Variants in CBX1 observed in about 807,000 individuals in gnomAD.
The protein encoded by CBX1 is chromobox protein homolog 1.
In CBX1, 10 loss-of-function variants were observed where a neutral mutation model predicts 25.1. That is an observed-to-expected ratio of 0.40 (90% CI 0.25 to 0.68). The LOEUF (loss-of-function observed/expected upper bound fraction) is 0.68. Among genes scored for constraint, CBX1 ranks in the 30% least tolerant of loss-of-function variants. CBX1 has a pLI of 0.40. For missense variants in CBX1, 106 were observed against 218.5 expected (o/e 0.49, Z 3.25); for synonymous variants, 63 against 79.4 (o/e 0.79, Z 1.10).
At chr17:48,092,033 C>T (rs562985721) in intron 1 of CBX1, among the ~76,000 whole-genome samples, 14 of 134,984 alleles carry the variant, frequency 1.0e-4, no homozygotes, top group African/African-American at 4.0e-4. Context: ...TCTTGTCACC[C>T]AGGCTGGAAT....
At chr17:48,082,083 T>A (rs984191500) in intron 1 of CBX1, among the ~76,000 whole-genome samples, 1 of 151,958 alleles carries the variant, frequency 6.6e-6, no homozygotes, top group African/African-American at 2.4e-5. Flanking sequence ...AGACCCCATC[T>A]CTACAAAAAA....
intron 1 of CBX1, among the ~76,000 whole-genome samples, chr17:48,084,047 T>C (rs2037762826): frequency 6.7e-6 from 1 of 149,956 alleles, no homozygotes; most frequent in South Asian, 2.1e-4. Flanking sequence ...TACGGTGGCC[T>C]GATCATAACT....
chr17:48,080,887 C>CTCCA (rs1480194167), intron 1 of CBX1, among the ~76,000 whole-genome samples: 4 of 114,836 alleles, frequency 3.5e-5, no homozygotes, highest in Non-Finnish European at 6.7e-5. Context: ...CGCCACTGCA[C>CTCCA]TCCAGCCTGG....
At chr17:48,071,623 G>C in intron 4 of CBX1, 44 bp from the exon 5 acceptor site, 1 of 1,547,598 alleles carries the variant, frequency 6.5e-7, no homozygotes, top group Non-Finnish European at 8.7e-7. Flanking sequence ...AGGTGCTGGT[G>C]GTCTATCCTA....
At chr17:48,093,501 A>G (rs2063355796) in intron 1 of CBX1, among the ~76,000 whole-genome samples, 1 of 152,176 alleles carries the variant, frequency 6.6e-6, no homozygotes, top group Admixed American at 6.6e-5. Context: ...GTTTGAAACC[A>G]GGCTTTACTA....
At chr17:48,100,673 A>G in intron 1 of CBX1, 1 of 957,582 alleles carries the variant, frequency 1.0e-6, no homozygotes, top group African/African-American at 1.8e-5. Flanking sequence ...TTCCAGAGTC[A>G]GGCCCAGCAA....
chr17:48,098,260 AAAACAAAC>A (rs57937836), intron 1 of CBX1, among the ~76,000 whole-genome samples: 7 of 150,736 alleles, frequency 4.6e-5, no homozygotes, highest in East Asian at 2.0e-4. Context: ...AAAAAAACAA[AAAACAAAC>A]AAACAAACAA....
intron 1 of CBX1, 141 bp downstream of exon 1, chr17:48,101,127 C>T (rs777897517): frequency 3.0e-6 from 3 of 986,490 alleles, no homozygotes; most frequent in Non-Finnish European, 3.6e-6. Flanking sequence ...GCGCGGGAAG[C>T]GGAGAAGCAG....
intron 3 of CBX1, among the ~76,000 whole-genome samples, chr17:48,075,580 A>G (rs530662383): frequency 1.3e-5 from 2 of 152,308 alleles, no homozygotes; most frequent in African/African-American, 2.4e-5. Context: ...TTATTCATCA[A>G]TGTCTGAAGC....
intron 1 of CBX1, among the ~76,000 whole-genome samples, chr17:48,089,547 A>G (rs368469359): frequency 1.7e-3 from 8 of 4,620 alleles, no homozygotes; most frequent in Non-Finnish European, 2.9e-3. Context: ...CTCGGGGCCC[A>G]GCACGGTGGC....
At chr17:48,075,908 G>C in intron 3 of CBX1, 93 bp downstream of exon 3, 1 of 951,596 alleles carries the variant, frequency 1.1e-6, no homozygotes, top group Non-Finnish European at 1.5e-6. Context: ...ACTAAGAAGA[G>C]ACAGCTGCTA....
chr17:48,081,495 A>ATG (rs897262645), intron 1 of CBX1, among the ~76,000 whole-genome samples: 2 of 152,096 alleles, frequency 1.3e-5, no homozygotes, highest in African/African-American at 4.8e-5. Flanking sequence ...CTGGAGTGCA[A>ATG]TGGAGCACTC....
intron 1 of CBX1, chr17:48,100,604 C>A: frequency 2.0e-6 from 1 of 511,028 alleles, no homozygotes; most frequent in Non-Finnish European, 2.5e-6. Flanking sequence ...TTTTTTCTTA[C>A]ATACCTTATA....
At chr17:48,083,634 C>G (rs941217565) in intron 1 of CBX1, among the ~76,000 whole-genome samples, 3 of 150,190 alleles carry the variant, frequency 2.0e-5, no homozygotes, top group African/African-American at 5.0e-5. Flanking sequence ...ACCAGCCTGA[C>G]CAACATGGTG....
At chr17:48,077,189 C>T (rs1358312871) in intron 1 of CBX1, 148 bp from the exon 2 acceptor site, 1 of 569,104 alleles carries the variant, frequency 1.8e-6, no homozygotes, top group Non-Finnish European at 2.9e-6. Context: ...ACACTCGATA[C>T]AAAATAGTTT....
At chr17:48,071,809 A>T (rs1400545029) in intron 4 of CBX1, among the ~76,000 whole-genome samples, 6 of 152,210 alleles carry the variant, frequency 3.9e-5, no homozygotes, top group Admixed American at 1.3e-4. Flanking sequence ...GTCAAAAGCC[A>T]GGTCAATGGA....
chr17:48,093,434 T>C (rs1298871568), intron 1 of CBX1, among the ~76,000 whole-genome samples: 1 of 152,096 alleles, frequency 6.6e-6, no homozygotes, highest in Non-Finnish European at 1.5e-5. Flanking sequence ...ATAAACGCAC[T>C]ATAGGAGGTT....
chr17:48,076,681 A>G (rs1009889778), intron 2 of CBX1, among the ~76,000 whole-genome samples, 184 bp downstream of exon 2: 1 of 152,158 alleles, frequency 6.6e-6, no homozygotes, highest in Non-Finnish European at 1.5e-5. Flanking sequence ...AAAAGAAATA[A>G]TTTTTAAAAA....
intron 1 of CBX1, among the ~76,000 whole-genome samples, chr17:48,094,653 C>G (rs547040266): frequency 6.7e-6 from 1 of 149,718 alleles, no homozygotes. Context: ...TTGCTTGAAT[C>G]CGGAAAACGG....
Sources: gnomAD v4.1 joint callset for allele counts (sites outside exome capture counted in the v4.1 genomes callset) on GRCh38, gnomAD v4.1.1 for gene constraint, MANE v1.5 for transcripts, NCBI Gene and HGNC (gene_info 2026-07-23, HGNC 2026-07-21) for gene names.